Variants in FGD4 observed in about 807,000 individuals in gnomAD.
FGD4 encodes FYVE, RhoGEF and PH domain containing 4, also known as FYVE, RhoGEF and PH domain-containing protein 4.
A neutral mutation model predicts 102.0 loss-of-function variants in FGD4; 42 were observed. The ratio of observed to expected loss-of-function variants is 0.41; its 90% CI spans 0.32 to 0.53. The LOEUF (loss-of-function observed/expected upper bound fraction) is 0.53, where lower values mean the gene tolerates loss of function less well. Ranked by LOEUF, FGD4 falls within the 20% of genes least tolerant of loss-of-function variation. FGD4 has a pLI of 0.21. For synonymous variants in FGD4, 380 were observed against 375.7 expected, an observed-to-expected ratio of 1.01 and a Z score of -0.13; for missense variants, 902 against 1,078.2, an observed-to-expected ratio of 0.84 and a Z score of 2.29.
At chr12:32,612,016 G>A (rs1346790932) in intron 10 of FGD4, among the ~76,000 whole-genome samples, 1 of 152,262 alleles carries the variant, frequency 6.6e-6, no homozygotes, top group Non-Finnish European at 1.5e-5. Flanking sequence ...AAGCCTAGGT[G>A]CTGTTGCAAA....
intron 1 of FGD4, among the ~76,000 whole-genome samples, chr12:32,473,264 A>G (rs1204562548): frequency 6.6e-6 from 1 of 151,782 alleles, no homozygotes; most frequent in Non-Finnish European, 1.5e-5. Context: ...GTCCCCTTCC[A>G]CACTGTGGAA....
Position 32,453,199 on chromosome 12 carries a change from A to ATATTTTATATATATT in FGD4, c.166+53241_166+53242insATTTTATATATATTT, listed in dbSNP as rs1555183323. On this transcript the variant is annotated intron_variant, in intron 1 of 16. Coordinates refer to ENST00000534526, the MANE Select transcript of FGD4 (RefSeq NM_001370298.3). ...TATTATATATATATTTTATATATAT[A>ATATTTTATATATATT]TTATATATATATATATATATAATAT... 1.1e-4 allele frequency among the ~76,000 whole-genome samples: 7 copies of ATATTTTATATATATT among 61,152 alleles called. No homozygotes were observed. The South Asian group carries it at 5.1e-3, about 45-fold the overall frequency. 40.1% of individuals were successfully genotyped at this position (61,152 alleles called of 152,430 possible).
chr12:32,521,930 G>T (rs1416368009), intron 1 of FGD4, among the ~76,000 whole-genome samples: 2 of 152,148 alleles, frequency 1.3e-5, no homozygotes, highest in Non-Finnish European at 2.9e-5. Flanking sequence ...CCGAAGACCT[G>T]TTTGTTTCAA....
chr12:32,424,325 T>C (rs1941755035), intron 1 of FGD4, among the ~76,000 whole-genome samples: 1 of 151,756 alleles, frequency 6.6e-6, no homozygotes, highest in South Asian at 2.1e-4. Context: ...CGGTGTTTGG[T>C]TTTCCGTTCC....
intron 9 of FGD4, 26 bp from the exon 10 acceptor site, chr12:32,611,111 G>T: frequency 6.2e-7 from 1 of 1,613,916 alleles, no homozygotes; most frequent in Non-Finnish European, 8.5e-7. Flanking sequence ...CTGCCTGTAT[G>T]TGATCTTGCT....
chr12:32,448,764 C>T (rs1942693212), intron 1 of FGD4, among the ~76,000 whole-genome samples: 1 of 151,896 alleles, frequency 6.6e-6, no homozygotes, highest in South Asian at 2.1e-4. Flanking sequence ...TCCGGTAACA[C>T]AGGAGCAGCC....
At chr12:32,420,530 A>T (rs187368941) in intron 1 of FGD4, among the ~76,000 whole-genome samples, 265 of 152,260 alleles carry the variant, frequency 1.7e-3, no homozygotes, top group Non-Finnish European at 3.2e-3. Context: ...ACACAGACCC[A>T]CACAGTTTTC....
intron 1 of FGD4, among the ~76,000 whole-genome samples, chr12:32,400,824 C>T (rs984911040): frequency 2.0e-5 from 3 of 152,152 alleles, no homozygotes; most frequent in Non-Finnish European, 2.9e-5. Flanking sequence ...ATTACTTTCA[C>T]GCATTTCATT....
At chr12:32,598,802 T>C (rs1160297088) in intron 5 of FGD4, among the ~76,000 whole-genome samples, 4 of 152,230 alleles carry the variant, frequency 2.6e-5, no homozygotes, top group African/African-American at 7.2e-5. Context: ...TTTCTCTCTA[T>C]GAATCACAAA....
chr12:32,522,518 G>A (rs1940655076), intron 1 of FGD4, among the ~76,000 whole-genome samples: 1 of 152,162 alleles, frequency 6.6e-6, no homozygotes, highest in South Asian at 2.1e-4. Flanking sequence ...TCTCTCTCAA[G>A]TTAGTAGCAA....
intron 1 of FGD4, among the ~76,000 whole-genome samples, chr12:32,439,725 A>C (rs1942364136): frequency 6.6e-6 from 1 of 152,098 alleles, no homozygotes; most frequent in African/African-American, 2.4e-5. Flanking sequence ...CATGTTTGAG[A>C]CATTCTTTGT....
intron 1 of FGD4, among the ~76,000 whole-genome samples, chr12:32,405,027 G>A (rs903023840): frequency 1.3e-5 from 2 of 151,964 alleles, no homozygotes; most frequent in Admixed American, 6.6e-5. Flanking sequence ...TCCACCTCCC[G>A]GGTTCACGCC....
intron 7 of FGD4, among the ~76,000 whole-genome samples, chr12:32,602,948 T>A (rs1471030335): frequency 6.6e-6 from 1 of 152,202 alleles, no homozygotes. Context: ...CCTCTAATTG[T>A]CAAATGATTT....
chr12:32,617,743 A>G (rs989488785), intron 10 of FGD4, among the ~76,000 whole-genome samples: 2 of 152,244 alleles, frequency 1.3e-5, no homozygotes, highest in Non-Finnish European at 2.9e-5. Context: ...AAAGAGAAGT[A>G]ATTATTTGTG....
intron 1 of FGD4, among the ~76,000 whole-genome samples, chr12:32,529,694 T>G (rs997452015): frequency 1.3e-5 from 2 of 151,586 alleles, no homozygotes; most frequent in African/African-American, 4.9e-5. Flanking sequence ...AATACAAAAA[T>G]TAGCCAGACA....
chr12:32,631,593 C>T (rs1468390663), intron 14 of FGD4, among the ~76,000 whole-genome samples: 1 of 151,736 alleles, frequency 6.6e-6, no homozygotes, highest in Non-Finnish European at 1.5e-5. Flanking sequence ...CAACCTCCAC[C>T]TGCTGGGTTC....
chr12:32,414,673 G>C (rs1364081950), intron 1 of FGD4, among the ~76,000 whole-genome samples: 2 of 152,072 alleles, frequency 1.3e-5, no homozygotes, highest in Non-Finnish European at 2.9e-5. Context: ...GTGAGAACAT[G>C]CAAAGTTTGT....
At chr12:32,458,720 G>A (rs1034488327) in intron 1 of FGD4, among the ~76,000 whole-genome samples, 1 of 152,138 alleles carries the variant, frequency 6.6e-6, no homozygotes, top group Non-Finnish European at 1.5e-5. Flanking sequence ...ACTTTCTTAA[G>A]GTTACTTGAC....
chr12:32,417,179 C>T (rs1339323948), intron 1 of FGD4, among the ~76,000 whole-genome samples: 1 of 152,098 alleles, frequency 6.6e-6, no homozygotes, highest in Non-Finnish European at 1.5e-5. Flanking sequence ...CGGGCATGAG[C>T]CACCGCGCCT....
Sources: allele counts gnomAD v4.1 joint callset (sites outside exome capture counted in the v4.1 genomes callset), GRCh38; gene constraint gnomAD v4.1.1; transcripts MANE v1.5; gene names NCBI Gene and HGNC (gene_info 2026-07-23, HGNC 2026-07-21).